Variants in OPCML observed in about 807,000 individuals in gnomAD.
OPCML encodes the protein opioid-binding protein/cell adhesion molecule.
A neutral mutation model predicts 37.8 loss-of-function variants in OPCML; 13 were observed. The observed-to-expected ratio is 0.34, with a 90% confidence interval of 0.22 to 0.55. The LOEUF (loss-of-function observed/expected upper bound fraction) is 0.55. OPCML is among the 20% of genes least tolerant of loss of function. The probability of loss-of-function intolerance (pLI) is 0.91; values close to 1 mark genes in which losing one functional copy is unlikely to be tolerated. For missense variants in OPCML, 341 were observed against 435.6 expected (o/e 0.78, Z 1.93); for synonymous variants, 176 against 168.8 (o/e 1.04, Z -0.33).
chr11:133,179,151 G>T (rs1057017696), intron 1 of OPCML, among the ~76,000 whole-genome samples: 9 of 152,096 alleles, frequency 5.9e-5, no homozygotes, highest in Non-Finnish European at 1.5e-5. Flanking sequence ...ATGTGGCACT[G>T]GCTTGGTAAA....
At chr11:132,510,854 C>A (rs1333359773) in intron 4 of OPCML, among the ~76,000 whole-genome samples, 2 of 152,056 alleles carry the variant, frequency 1.3e-5, no homozygotes, top group Non-Finnish European at 2.9e-5. Flanking sequence ...CTGTAAAAAA[C>A]CTACAGATAA....
chr11:133,200,180 G>A (rs1251139976), intron 1 of OPCML, among the ~76,000 whole-genome samples: 1 of 152,126 alleles, frequency 6.6e-6, no homozygotes, highest in African/African-American at 2.4e-5. Context: ...CTTTTTCCCT[G>A]AGATGTCGCC....
intron 1 of OPCML, among the ~76,000 whole-genome samples, chr11:133,248,872 C>A (rs183677126): frequency 1.2e-3 from 181 of 152,242 alleles, no homozygotes; most frequent in Middle Eastern, 3.4e-3. Context: ...AGAGAGTGGA[C>A]TACTGAGGCG....
intron 3 of OPCML, among the ~76,000 whole-genome samples, chr11:132,595,803 T>G (rs1379325552): frequency 2.6e-5 from 4 of 152,188 alleles, no homozygotes; most frequent in Admixed American, 2.0e-4. Context: ...TTGGCTTGCT[T>G]TCTTGGGCTA....
intron 1 of OPCML, chr11:133,064,787 A>G (rs1948413412): frequency 6.6e-6 from 1 of 152,108 alleles, no homozygotes; most frequent in Admixed American, 6.5e-5. Context: ...AAACCTAAGA[A>G]GGCTTTATTC....
intron 2 of OPCML, among the ~76,000 whole-genome samples, chr11:132,893,607 T>C (rs904712690): frequency 4.6e-5 from 7 of 152,224 alleles, no homozygotes; most frequent in African/African-American, 1.7e-4. Context: ...ACTAATGTCT[T>C]TCTAATATCA....
At chr11:132,514,141 A>G (rs1237554421) in intron 4 of OPCML, among the ~76,000 whole-genome samples, 1 of 152,208 alleles carries the variant, frequency 6.6e-6, no homozygotes, top group Non-Finnish European at 1.5e-5. Flanking sequence ...CTTTTGACAG[A>G]AGACCTTTTT....
At chr11:132,821,154 AT>A (rs1215677938) in intron 2 of OPCML, among the ~76,000 whole-genome samples, 1 of 152,220 alleles carries the variant, frequency 6.6e-6, no homozygotes, top group Non-Finnish European at 1.5e-5. Context: ...ATTCATATGC[AT>A]CTCCAGTGGT....
chr11:132,703,023 A>AT (rs1415766299), intron 2 of OPCML, among the ~76,000 whole-genome samples: 1 of 152,032 alleles, frequency 6.6e-6, no homozygotes, highest in African/African-American at 2.4e-5. Context: ...AAAGACAATT[A>AT]TTTTAAATTT....
At chr11:133,028,204 C>T (rs1454337480) in intron 1 of OPCML, among the ~76,000 whole-genome samples, 3 of 151,850 alleles carry the variant, frequency 2.0e-5, no homozygotes, top group Non-Finnish European at 4.4e-5. Flanking sequence ...TTTCTGGAGT[C>T]TAATTTCTCA....
intron 2 of OPCML, among the ~76,000 whole-genome samples, chr11:132,937,585 G>A (rs1205160092): frequency 1.5e-5 from 2 of 133,384 alleles, no homozygotes; most frequent in Non-Finnish European, 3.2e-5. Flanking sequence ...GGTGTGTGTG[G>A]CGTGTGTGGG....
intron 2 of OPCML, among the ~76,000 whole-genome samples, chr11:132,824,930 G>T (rs544773406): frequency 1.2e-4 from 18 of 152,204 alleles, no homozygotes; most frequent in African/African-American, 4.1e-4. Context: ...GGCCTCCCAG[G>T]TAGGTCTTTG....
chr11:132,992,729 G>T (rs1213365845), intron 1 of OPCML, among the ~76,000 whole-genome samples: 4 of 152,174 alleles, frequency 2.6e-5, no homozygotes, highest in Non-Finnish European at 5.9e-5. Flanking sequence ...GGGCAAAAAT[G>T]ACAAATTTAG....
intron 6 of OPCML, 195 bp downstream of exon 6, chr11:132,436,464 T>C: frequency 1.1e-6 from 1 of 941,860 alleles, no homozygotes; most frequent in Non-Finnish European, 1.3e-6. Flanking sequence ...AGAATCATGG[T>C]CAGTTCATTT....
At chr11:133,068,449 G>A (rs1343665878) in intron 1 of OPCML, among the ~76,000 whole-genome samples, 6 of 152,196 alleles carry the variant, frequency 3.9e-5, no homozygotes, top group South Asian at 2.1e-4. Context: ...TGAGCAGTGC[G>A]GACGCTGCCC....
intron 2 of OPCML, among the ~76,000 whole-genome samples, chr11:132,778,408 A>C (rs753145345): frequency 9.2e-5 from 14 of 152,236 alleles, no homozygotes; most frequent in Non-Finnish European, 1.9e-4. Flanking sequence ...CGATACTAAG[A>C]GACATGGAAG....
intron 1 of OPCML, among the ~76,000 whole-genome samples, chr11:133,045,558 A>T (rs925234966): frequency 6.6e-6 from 1 of 152,144 alleles, no homozygotes; most frequent in African/African-American, 2.4e-5. Flanking sequence ...ATAGATGATA[A>T]AGGGTCAGGG....
chr11:133,227,093 G>A (rs1169515315), intron 1 of OPCML, among the ~76,000 whole-genome samples: 1 of 152,176 alleles, frequency 6.6e-6, no homozygotes, highest in Non-Finnish European at 1.5e-5. Context: ...GGGGGGTGCT[G>A]TCCTCACCAG....
intron 1 of OPCML, among the ~76,000 whole-genome samples, chr11:133,169,992 GA>G (rs34416121): frequency 0.4 from 60,490 of 151,552 alleles, 12,826 homozygotes; most frequent in South Asian, 0.54. Context: ...TTTAAAATAG[GA>G]AAAAAAAAGT....
Sources: allele counts gnomAD v4.1 joint callset (sites outside exome capture counted in the v4.1 genomes callset), GRCh38; gene constraint gnomAD v4.1.1; transcripts MANE v1.5; gene names NCBI Gene and HGNC (gene_info 2026-07-23, HGNC 2026-07-21).